CALD1: variants seen among roughly 807,000 people sequenced by gnomAD.
The protein encoded by CALD1 is caldesmon.
In CALD1, 33 loss-of-function variants were observed where a neutral mutation model predicts 99.9. The observed-to-expected ratio is 0.33, with a 90% confidence interval of 0.25 to 0.44. The LOEUF (loss-of-function observed/expected upper bound fraction) is 0.44. CALD1 is among the 20% of genes least tolerant of loss of function. The pLI, the probability that CALD1 is intolerant of heterozygous loss-of-function variation, is 1.00. For missense variants in CALD1, 861 were observed against 962.1 expected, an observed-to-expected ratio of 0.89 and a Z score of 1.39; for synonymous variants, 310 against 325.0, an observed-to-expected ratio of 0.95 and a Z score of 0.50.
chr7:134,914,863 T>G (rs144103197), intron 3 of CALD1, among the ~76,000 whole-genome samples: 78 of 152,360 alleles, frequency 5.1e-4, no homozygotes, highest in Non-Finnish European at 7.9e-4. Context: ...ACTTTAAGTC[T>G]TCTGTAATAT....
upstream of CALD1, among the ~76,000 whole-genome samples, chr7:134,775,593 C>G (rs1279630300): frequency 6.6e-6 from 1 of 152,070 alleles, no homozygotes; most frequent in East Asian, 1.9e-4. Context: ...CACCTGTAGT[C>G]CCAGCTACTC....
In CALD1 at chr7:134,833,021, C is replaced by T. The variant is rs373960711; in HGVS notation, c.-129-10863C>T. ...AACTTTTCCTTATGAAGCTGCAAGA[C>T]GTGTTTTACACTTATCAGCTCTATT... is the stretch of plus-strand genomic sequence containing the variant. On this transcript the variant is annotated intron_variant, in intron 1 of 14. Transcript: ENST00000361675. Among the ~76,000 whole-genome samples, 23 of 152,318 alleles carry T rather than the reference C, an allele frequency of 1.5e-4. No homozygotes were observed. The East Asian group carries it at 2.5e-3, about 17-fold the overall frequency.
intron 3 of CALD1, among the ~76,000 whole-genome samples, chr7:134,871,336 C>T (rs1801066463): frequency 6.6e-6 from 1 of 152,160 alleles, no homozygotes; most frequent in Non-Finnish European, 1.5e-5. Flanking sequence ...AGAAAGATTT[C>T]ATCCCTGATC....
intron 1 of CALD1, among the ~76,000 whole-genome samples, chr7:134,837,289 A>T (rs576757245): frequency 1.5e-4 from 23 of 152,106 alleles, no homozygotes; most frequent in Admixed American, 4.6e-4. Flanking sequence ...AATACTAGGT[A>T]CTTTATATGT....
intron 1 of CALD1, among the ~76,000 whole-genome samples, chr7:134,831,609 G>A (rs1799224929): frequency 6.6e-6 from 1 of 151,990 alleles, no homozygotes; most frequent in Non-Finnish European, 1.5e-5. Context: ...ATGAGCCACC[G>A]CACCCGGTCT....
At chr7:134,841,111 T>C (rs1014306241) in intron 1 of CALD1, among the ~76,000 whole-genome samples, 1 of 152,136 alleles carries the variant, frequency 6.6e-6, no homozygotes, top group Admixed American at 6.5e-5. Context: ...CGTGGAAAGA[T>C]GGTAGAAATA....
At chr7:134,964,114 T>A (rs1408520387) in intron 13 of CALD1, among the ~76,000 whole-genome samples, 6 of 152,174 alleles carry the variant, frequency 3.9e-5, no homozygotes, top group Admixed American at 1.3e-4. Context: ...GGAGAATCGC[T>A]TGAACCCGGG....
At chr7:134,934,457 C>A (rs1805796709) in intron 5 of CALD1, among the ~76,000 whole-genome samples, 1 of 152,134 alleles carries the variant, frequency 6.6e-6, no homozygotes, top group Admixed American at 6.5e-5. Context: ...TTTCCTCTAT[C>A]CATAGGTCTG....
intron 3 of CALD1, among the ~76,000 whole-genome samples, chr7:134,919,826 C>T (rs1052243435): frequency 7.9e-5 from 12 of 152,288 alleles, no homozygotes; most frequent in South Asian, 6.2e-4. Context: ...ACCAAGAGGG[C>T]TTTCTTTCAC....
chr7:134,859,376 T>C (rs1229878441), intron 2 of CALD1, among the ~76,000 whole-genome samples: 2 of 152,236 alleles, frequency 1.3e-5, no homozygotes, highest in African/African-American at 4.8e-5. Flanking sequence ...GGGTTTACGC[T>C]TGTGTCATTT....
At chr7:134,804,805 C>T (rs2131870646) in intron 1 of CALD1, among the ~76,000 whole-genome samples, 1 of 152,328 alleles carries the variant, frequency 6.6e-6, no homozygotes, top group Admixed American at 6.5e-5. Context: ...ACTGTAACCT[C>T]CCAACAGGGT....
intron 4 of CALD1, among the ~76,000 whole-genome samples, chr7:134,929,407 C>T (rs375964220): frequency 6.6e-6 from 1 of 151,320 alleles, no homozygotes; most frequent in Non-Finnish European, 1.5e-5. Context: ...CTACCTTTCT[C>T]CCCGAGTCCC....
intron 1 of CALD1, among the ~76,000 whole-genome samples, chr7:134,804,353 G>A (rs1019057485): frequency 1.3e-5 from 2 of 152,058 alleles, no homozygotes; most frequent in African/African-American, 2.4e-5. Flanking sequence ...CCTGCCCCAG[G>A]GTATCTGACA....
chr7:134,942,592 G>A (rs1224447916), intron 7 of CALD1, among the ~76,000 whole-genome samples: 2 of 152,210 alleles, frequency 1.3e-5, no homozygotes, highest in African/African-American at 4.8e-5. Flanking sequence ...TCTACAAAGC[G>A]AGTTGATTCA....
the CALD1 span, among the ~76,000 whole-genome samples, chr7:134,734,411 T>TGAA: frequency 6.6e-6 from 1 of 152,148 alleles, no homozygotes; most frequent in African/African-American, 2.4e-5. Context: ...GCATGCCATG[T>TGAA]GAAGACACAA....
the CALD1 span, among the ~76,000 whole-genome samples, chr7:134,726,952 C>A: frequency 6.6e-6 from 1 of 152,330 alleles, no homozygotes; most frequent in Non-Finnish European, 1.5e-5. Flanking sequence ...AGAAAGTCCA[C>A]ATTGTTGGCA....
Position 134,868,942 on chromosome 7 carries a change from T to C in CALD1, c.71+1138T>C, listed in dbSNP as rs143901027. ...GCCTGTGTGATTGTTGGGAAGATTA[T>C]TGAGCTTCATAAATAGCCTAGTCAG... On this transcript the variant is annotated intron_variant, in intron 3 of 14. Transcript: ENST00000361675. 1.0e-3 allele frequency among the ~76,000 whole-genome samples: 154 copies of C among 152,344 alleles called. 1 individual carries two copies. Among genetic ancestry groups the C allele is most frequent in the African/African-American group, 3.6e-3 (148 of 41,566 alleles).
At chr7:134,857,275 T>C (rs1411089971) in intron 2 of CALD1, among the ~76,000 whole-genome samples, 5 of 147,896 alleles carry the variant, frequency 3.4e-5, no homozygotes, top group Non-Finnish European at 7.4e-5. Flanking sequence ...TTCACGCCAT[T>C]CTCCTGCCTC....
intron 3 of CALD1, among the ~76,000 whole-genome samples, chr7:134,886,886 A>T (rs1344627387): frequency 6.6e-6 from 1 of 152,178 alleles, no homozygotes; most frequent in Non-Finnish European, 1.5e-5. Context: ...TCCCTTTAGG[A>T]CTGCCCTTCT....
Sources: gnomAD v4.1 joint callset for allele counts (sites outside exome capture counted in the v4.1 genomes callset) on GRCh38, gnomAD v4.1.1 for gene constraint, MANE v1.5 for transcripts, NCBI Gene and HGNC (gene_info 2026-07-23, HGNC 2026-07-21) for gene names.